The following CARM1 variants were observed in gnomAD, a reference collection of about 807,000 sequenced individuals.
CARM1 encodes the protein histone-arginine methyltransferase CARM1.
In CARM1, 14 loss-of-function variants were observed where a neutral mutation model predicts 72.7. That is an observed-to-expected ratio of 0.19 (90% CI 0.13 to 0.30). The LOEUF (loss-of-function observed/expected upper bound fraction) is 0.30. Ranked by LOEUF, CARM1 falls within the 10% of genes least tolerant of loss-of-function variation. CARM1 has a pLI of 1.00. For synonymous variants in CARM1, 333 were observed against 345.5 expected (o/e 0.96, Z 0.40); for missense variants, 432 against 833.7 (o/e 0.52, Z 5.93).
chr19:10,919,848 C>T, intron 9 of CARM1, 29 bp from the exon 10 acceptor site: 1 of 1,582,366 alleles, frequency 6.3e-7, no homozygotes, highest in Non-Finnish European at 8.7e-7. Context: ...GTCTGGCTTC[C>T]CCAGCAGCCA....
At chr19:10,876,351 G>A (rs1304178066) in intron 1 of CARM1, among the ~76,000 whole-genome samples, 1 of 152,224 alleles carries the variant, frequency 6.6e-6, no homozygotes, top group Non-Finnish European at 1.5e-5. Flanking sequence ...CCATGTTACT[G>A]ACAGCAGTGT....
rs1487788030 is a variant in CARM1 at position 10,912,760 on chromosome 19, T to C, written c.669+466T>C. Reference sequence around the variant, plus strand: ...CATGGATCTGGGGTCGCCGGGGTCGTGGAGGGGCCATCTTTGTTCTGTCTT... The same window carrying C: ...CATGGATCTGGGGTCGCCGGGGTCGCGGAGGGGCCATCTTTGTTCTGTCTT... On this transcript the variant is annotated intron_variant, in intron 5 of 15. Transcript: ENST00000327064. This position sits in a 1 kb window ranked among gnomAD's most constrained non-coding sequence, Gnocchi z 4.5. 6.6e-6 allele frequency among the ~76,000 whole-genome samples: 1 copy of C among 152,010 alleles called. No individual in the cohort carries two copies. The highest frequency in any genetic ancestry group is 2.4e-5 in the African/African-American group (1 of 41,386).
chr19:10,874,086 A>C (rs766591341), intron 1 of CARM1, among the ~76,000 whole-genome samples: 6 of 152,142 alleles, frequency 3.9e-5, no homozygotes, highest in Non-Finnish European at 5.9e-5. Flanking sequence ...TTAAGACAGC[A>C]CTTCTCTTTG....
rs1179936865 is a variant in CARM1 at position 10,871,583 on chromosome 19, A to AGCGGCGGCGGCGGCGGCGGCG, written c.-115_-114insGGCGGCGGCGGCGGCGGCGGC. The AGCGGCGGCGGCGGCGGCGGCG allele has an allele frequency of 6.5e-5, 5 of 76,394 alleles. No homozygotes were observed. The highest frequency in any genetic ancestry group is 2.2e-4 in the African/African-American group (4 of 18,322). 4.7% of individuals were successfully genotyped at this position (76,394 alleles called of 1,614,324 possible). Reference sequence around the variant, plus strand: ...CCTGCACGGCGGCTGCGGCGGCGGTAGCGGCAGCGGCGGCGGCGGCGGCGG... The same window carrying AGCGGCGGCGGCGGCGGCGGCG: ...CCTGCACGGCGGCTGCGGCGGCGGTAGCGGCGGCGGCGGCGGCGGCGGCGGCAGCGGCGGCGGCGGCGGCGG... On this transcript the variant is annotated 5_prime_UTR_variant, in exon 1 of 16. Coordinates refer to ENST00000327064, the MANE Select transcript of CARM1 (RefSeq NM_199141.2). The surrounding 1 kb of genome is among the most constrained non-coding windows in gnomAD (Gnocchi z 5.6).
intron 4 of CARM1, among the ~76,000 whole-genome samples, chr19:10,911,978 G>A (rs1190636283): frequency 1.3e-5 from 2 of 152,198 alleles, no homozygotes; most frequent in African/African-American, 4.8e-5. Flanking sequence ...GGGGCCGAGC[G>A]GGAGCTTCCC....
At chr19:10,904,326 A>T (rs1200755001) in intron 1 of CARM1, among the ~76,000 whole-genome samples, 1 of 152,248 alleles carries the variant, frequency 6.6e-6, no homozygotes, top group Non-Finnish European at 1.5e-5. Context: ...CGTTCCTGGC[A>T]TCGCTAAGTT....
chr19:10,894,690 TTTC>T (rs1483873562), intron 1 of CARM1, among the ~76,000 whole-genome samples: 5 of 151,896 alleles, frequency 3.3e-5, no homozygotes, highest in Non-Finnish European at 7.4e-5. Flanking sequence ...TGCTGCTGCT[TTTC>T]TTCTTGCCCT....
chr19:10,905,945 T>TTA, intron 2 of CARM1, among the ~76,000 whole-genome samples: 1 of 134,388 alleles, frequency 7.4e-6, no homozygotes, highest in African/African-American at 2.8e-5. Context: ...CCGGCCCCTT[T>TTA]TTTTTTTTTT....
intron 1 of CARM1, among the ~76,000 whole-genome samples, chr19:10,898,381 C>G (rs1205346330): frequency 1.3e-5 from 2 of 152,200 alleles, no homozygotes; most frequent in South Asian, 2.1e-4. Flanking sequence ...GCTCTAGAGT[C>G]TGCTTTTTGG....
chr19:10,900,852 T>G (rs1424222169), intron 1 of CARM1, among the ~76,000 whole-genome samples: 1 of 151,642 alleles, frequency 6.6e-6, no homozygotes, highest in African/African-American at 2.4e-5. Flanking sequence ...CCCGGCTAAT[T>G]TTTTGTATTT....
rs182829289 is a variant in CARM1, at chr19:10,904,526, G to A, written c.221-425G>A. On this transcript the variant is annotated intron_variant, in intron 1 of 15. Transcript: ENST00000327064. ...ATGCCTGTGTCACAGTGAACAAATG[G>A]CATGGATGGGGTGTGAACCCAGCGG... is the stretch of plus-strand genomic sequence containing the variant. Among the ~76,000 whole-genome samples, 378 of 152,356 alleles carry A rather than the reference G, an allele frequency of 2.5e-3. 6 individuals carry two copies. The South Asian group carries it at 0.049, about 20-fold the overall frequency.
intron 1 of CARM1, among the ~76,000 whole-genome samples, chr19:10,885,120 T>A (rs1178091558): frequency 6.6e-6 from 1 of 152,136 alleles, no homozygotes; most frequent in Non-Finnish European, 1.5e-5. Flanking sequence ...AAGCCAGACA[T>A]GGAACTTGTT....
chr19:10,904,908 T>C lies in CARM1; in HGVS notation c.221-43T>C, dbSNP rs370206801. 15 of 1,597,572 alleles carry C rather than the reference T, an allele frequency of 9.4e-6. No homozygotes were observed. The African/African-American group carries it at 1.7e-4, about 19-fold the overall frequency. On this transcript the variant is annotated intron_variant, in intron 1 of 15. Coordinates refer to ENST00000327064, the MANE Select transcript of CARM1 (RefSeq NM_199141.2). ...GGACCCAGGCTCAAAAGAAGGCAGC[T>C]GACAGGGCTGCACCGCTCACGCCAG...
At chr19:10,880,942 G>A (rs1022331141) in intron 1 of CARM1, among the ~76,000 whole-genome samples, 5 of 152,048 alleles carry the variant, frequency 3.3e-5, no homozygotes, top group African/African-American at 4.8e-5. Context: ...GCAGCAGGGC[G>A]GTTTGAGTCC....
intron 1 of CARM1, among the ~76,000 whole-genome samples, chr19:10,894,101 C>T (rs1323612980): frequency 6.6e-6 from 1 of 152,220 alleles, no homozygotes; most frequent in Non-Finnish European, 1.5e-5. Context: ...CAGGTGTCGC[C>T]TCCTCCCGAG....
rs202246033 is a variant in CARM1, at chr19:10,920,939, C to T, written c.1530C>T (p.Ala510=). The change falls in exon 13 of 16, where the codon GCC becomes GCT. Residue 510 remains alanine, a synonymous_variant. Coordinates refer to ENST00000327064, the MANE Select transcript of CARM1 (RefSeq NM_199141.2). This position sits in a 1 kb window ranked among gnomAD's most constrained non-coding sequence, Gnocchi z 5.3. ...CCTACAACCTCAGCAGCGGGATGGCCGTGGCAGGTGAGCAGGGCCCACCCC... is the reference window on the plus strand; with the variant it reads ...CCTACAACCTCAGCAGCGGGATGGCTGTGGCAGGTGAGCAGGGCCCACCCC... ...GSTYNLSSGM[A]VAGMPTAYDL... is the part of the protein sequence containing the mutation. The T allele has an allele frequency of 1.8e-5, 29 of 1,614,064 alleles. No individual in the cohort carries two copies. The highest frequency in any genetic ancestry group is 1.6e-4 in the Middle Eastern group (1 of 6,084).
intron 4 of CARM1, among the ~76,000 whole-genome samples, chr19:10,909,427 G>GCA (rs1395556384): frequency 6.9e-6 from 1 of 145,198 alleles, no homozygotes; most frequent in Non-Finnish European, 1.5e-5. Flanking sequence ...CGAGACTCTT[G>GCA]TCTCTTAAAA....
In CARM1 at chr19:10,921,355, T is replaced by C; in HGVS notation, c.1616-20T>C. On this transcript the variant is annotated intron_variant, in intron 14 of 15. Transcript: ENST00000327064. ...GGTGACGCCGTCTCCCTTCCTTCTT[T>C]CCTCCCTCTCGCTGCGCAGCCAACA... 6.2e-7 allele frequency: 1 copy of C among 1,609,708 alleles called. No individual in the cohort carries two copies. Among genetic ancestry groups the C allele is most frequent in the Middle Eastern group, 1.7e-4 (1 of 6,028 alleles).
chr19:10,873,551 T>C (rs2073836425), intron 1 of CARM1, among the ~76,000 whole-genome samples: 1 of 149,378 alleles, frequency 6.7e-6, no homozygotes, highest in Non-Finnish European at 1.5e-5. Flanking sequence ...ATCGTGCCAT[T>C]GCACTCCAGC....
Sources: allele counts gnomAD v4.1 joint callset (sites outside exome capture counted in the v4.1 genomes callset), GRCh38; gene constraint gnomAD v4.1.1; non-coding constraint Gnocchi (gnomAD v3.1); transcripts MANE v1.5; gene names NCBI Gene and HGNC (gene_info 2026-07-23, HGNC 2026-07-21).